Variants in SH3RF3 observed in about 807,000 individuals in gnomAD.
The protein encoded by SH3RF3 is E3 ubiquitin-protein ligase SH3RF3.
A neutral mutation model predicts 66.3 loss-of-function variants in SH3RF3; 29 were observed. The observed-to-expected ratio is 0.44, with a 90% CI of 0.33 to 0.60. The LOEUF is 0.60. Ranked by LOEUF, SH3RF3 falls within the 20% of genes least tolerant of loss-of-function variation. SH3RF3 has a pLI of 0.04. For missense variants in SH3RF3, 1,194 were observed against 1,190.9 expected (o/e 1.00, Z -0.04); for synonymous variants, 583 against 532.0 (o/e 1.10, Z -1.32).
Position 109,467,512 on chromosome 2 carries a change from T to C in SH3RF3, c.2148+18023T>C, listed in dbSNP as rs567585837. Among the ~76,000 whole-genome samples the C allele has an allele frequency of 2.0e-3, 310 of 152,264 alleles. 3 individuals are homozygous for C. The South Asian group carries it at 0.021, about 10-fold the overall frequency. ...GGAAGGACAGCAGGACTGGGGGGCT[T>C]GGGCCCACCGTGAGGGCAGCGGCAA... On this transcript the variant is annotated intron_variant, in intron 8 of 9. Coordinates refer to ENST00000309415, the MANE Select transcript of SH3RF3 (RefSeq NM_001099289.3).
At chr2:109,387,346 C>G (rs1675850447) in intron 3 of SH3RF3, among the ~76,000 whole-genome samples, 1 of 152,160 alleles carries the variant, frequency 6.6e-6, no homozygotes, top group East Asian at 1.9e-4. Context: ...CCCTCCGGTT[C>G]CCCATCTCAG....
intron 1 of SH3RF3, among the ~76,000 whole-genome samples, chr2:109,315,869 A>G (rs1681867111): frequency 6.6e-6 from 1 of 152,232 alleles, no homozygotes; most frequent in South Asian, 2.1e-4. Context: ...TCTAGGCATC[A>G]AAGCCACCAG....
chr2:109,403,670 G>A (rs1676374708), intron 4 of SH3RF3, among the ~76,000 whole-genome samples: 1 of 152,234 alleles, frequency 6.6e-6, no homozygotes, highest in South Asian at 2.1e-4. Context: ...GCTCAATGCA[G>A]GGTGCTGGGG....
chr2:109,345,669 GT>G (rs745679937), intron 1 of SH3RF3, among the ~76,000 whole-genome samples: 7 of 152,198 alleles, frequency 4.6e-5, no homozygotes, highest in Non-Finnish European at 2.9e-5. Flanking sequence ...GTAGCCAATA[GT>G]GAAAATACTC....
chr2:109,483,677 G>A (rs779337101), intron 8 of SH3RF3, among the ~76,000 whole-genome samples: 15 of 152,204 alleles, frequency 9.9e-5, no homozygotes, highest in Non-Finnish European at 2.1e-4. Flanking sequence ...ACACACAAAG[G>A]AGTCCCTGGC....
At chr2:109,365,587 CCT>C (rs558429364) in intron 2 of SH3RF3, among the ~76,000 whole-genome samples, 2 of 152,162 alleles carry the variant, frequency 1.3e-5, no homozygotes, top group Non-Finnish European at 2.9e-5. Flanking sequence ...CGGACACCCC[CCT>C]GTTAGCTATT....
intron 5 of SH3RF3, among the ~76,000 whole-genome samples, chr2:109,428,363 A>T (rs767967644): frequency 1.6e-4 from 25 of 152,376 alleles, no homozygotes; most frequent in Non-Finnish European, 3.2e-4. Context: ...TGCTATAGAA[A>T]TAAGGAAGTA....
At chr2:109,499,247 C>G (rs1350727825) in intron 9 of SH3RF3, among the ~76,000 whole-genome samples, 28 of 152,094 alleles carry the variant, frequency 1.8e-4, no homozygotes, top group Admixed American at 1.6e-3. Flanking sequence ...GAGATGGGTA[C>G]CCGGGCAGTC....
intron 1 of SH3RF3, among the ~76,000 whole-genome samples, chr2:109,240,290 G>A (rs1287758485): frequency 1.3e-5 from 2 of 152,084 alleles, no homozygotes; most frequent in Non-Finnish European, 2.9e-5. Context: ...ACTTGAGGTC[G>A]GGAGTCCAAC....
chr2:109,388,843 A>AG (rs959421034), intron 3 of SH3RF3, among the ~76,000 whole-genome samples: 1 of 152,048 alleles, frequency 6.6e-6, no homozygotes, highest in African/African-American at 2.4e-5. Context: ...ACTAGAGAGA[A>AG]GGGGGTATAG....
In SH3RF3 at chr2:109,397,381, C is replaced by T. The variant is rs114567171; in HGVS notation, c.946-1209C>T. 5.3e-3 allele frequency among the ~76,000 whole-genome samples: 810 copies of T among 152,300 alleles called. 11 individuals are homozygous for T. Among genetic ancestry groups the T allele is most frequent in the African/African-American group, 0.018 (761 of 41,562 alleles). On this transcript the variant is annotated intron_variant, in intron 3 of 9. Transcript: ENST00000309415. ...GCCTGATGGCATTTGCCTAACCCAG[C>T]TTGTAGCAATCATCCCATGATGATT...
intron 8 of SH3RF3, among the ~76,000 whole-genome samples, chr2:109,453,611 C>A (rs10200361): frequency 1.3e-5 from 2 of 152,180 alleles, no homozygotes; most frequent in African/African-American, 4.8e-5. Context: ...GTGCCCCAAT[C>A]CCTGACTCAT....
intron 1 of SH3RF3, among the ~76,000 whole-genome samples, chr2:109,339,937 G>A (rs996414417): frequency 3.9e-5 from 6 of 152,198 alleles, no homozygotes; most frequent in African/African-American, 1.2e-4. Context: ...GGGGAGTGAG[G>A]AGGAGGCAGG....
intron 1 of SH3RF3, among the ~76,000 whole-genome samples, chr2:109,209,795 A>G (rs1678925812): frequency 6.6e-6 from 1 of 152,218 alleles, no homozygotes; most frequent in African/African-American, 2.4e-5. Flanking sequence ...TAGAATGACA[A>G]ATTGGACACT....
At chr2:109,144,219 C>T (rs1384069093) in intron 1 of SH3RF3, among the ~76,000 whole-genome samples, 1 of 152,172 alleles carries the variant, frequency 6.6e-6, no homozygotes, top group Non-Finnish European at 1.5e-5. Flanking sequence ...ACGAAGGTAA[C>T]CACGTGAGGT....
chr2:109,440,505 A>G lies in SH3RF3; in HGVS notation c.1828+3359A>G, dbSNP rs77735130. On this transcript the variant is annotated intron_variant, in intron 7 of 9. Transcript: ENST00000309415. Reference sequence around the variant, plus strand: ...TAGACATAGTCATATTTTTGTATTTAAAAGATTGAGCTAGACTTCTGCTTA... The same window carrying G: ...TAGACATAGTCATATTTTTGTATTTGAAAGATTGAGCTAGACTTCTGCTTA... Among the ~76,000 whole-genome samples the G allele has an allele frequency of 3.5e-3, 527 of 152,346 alleles. 19 individuals are homozygous for G. The East Asian group carries it at 0.061, about 18-fold the overall frequency.
intron 1 of SH3RF3, among the ~76,000 whole-genome samples, chr2:109,230,125 A>AT (rs908767405): frequency 1.5e-4 from 22 of 148,712 alleles, no homozygotes; most frequent in African/African-American, 3.5e-4. Context: ...CACCTGGCCG[A>AT]TTTTTTTTTT....
chr2:109,153,582 C>T (rs1012326386), intron 1 of SH3RF3, among the ~76,000 whole-genome samples: 7 of 152,166 alleles, frequency 4.6e-5, no homozygotes, highest in Non-Finnish European at 2.9e-5. Context: ...GAGGTGGGCC[C>T]GACAGATGCC....
chr2:109,170,284 CTTCTCTTCTCT>C (rs1677740838), intron 1 of SH3RF3, among the ~76,000 whole-genome samples: 5 of 128,428 alleles, frequency 3.9e-5, no homozygotes, highest in East Asian at 6.8e-4. Context: ...CTTCTCTTCT[CTTCTCTTCTCT>C]TCTCTTCTCT....
Sources: allele counts gnomAD v4.1 joint callset (sites outside exome capture counted in the v4.1 genomes callset), GRCh38; gene constraint gnomAD v4.1.1; transcripts MANE v1.5; gene names NCBI Gene and HGNC (gene_info 2026-07-23, HGNC 2026-07-21).